Variants in SH3PXD2A observed in about 807,000 individuals in gnomAD.
SH3PXD2A encodes the protein SH3 and PX domains 2A.
A neutral mutation model predicts 115.2 loss-of-function variants in SH3PXD2A; 32 were observed. The observed-to-expected ratio is 0.28, with a 90% confidence interval of 0.21 to 0.37. SH3PXD2A has a LOEUF of 0.37. Among genes scored for constraint, SH3PXD2A ranks in the 10% least tolerant of loss-of-function variants. The probability of loss-of-function intolerance (pLI) is 1.00; values close to 1 mark genes in which losing one functional copy is unlikely to be tolerated. For missense variants in SH3PXD2A, 1,328 were observed against 1,498.7 expected (o/e 0.89, Z 1.88); for synonymous variants, 610 against 629.1 (o/e 0.97, Z 0.45).
At chr10:103,657,354 C>T (rs1033890930) in intron 8 of SH3PXD2A, among the ~76,000 whole-genome samples, 8 of 152,162 alleles carry the variant, frequency 5.3e-5, no homozygotes, top group African/African-American at 1.4e-4. Flanking sequence ...GATGTCACCA[C>T]GCTGCCAGAA....
chr10:103,796,404 G>A (rs1201243706), intron 2 of SH3PXD2A, among the ~76,000 whole-genome samples: 1 of 148,608 alleles, frequency 6.7e-6, no homozygotes, highest in East Asian at 2.1e-4. Flanking sequence ...AAAAAAGAGA[G>A]AGAGAGAGAC....
intron 2 of SH3PXD2A, among the ~76,000 whole-genome samples, chr10:103,767,825 T>G (rs1017014774): frequency 2.8e-5 from 4 of 141,386 alleles, no homozygotes; most frequent in Admixed American, 7.1e-5. Context: ...TTTTTTTTTT[T>G]TTTTTTTTTG....
At chr10:103,803,965 A>C (rs1039780097) in intron 1 of SH3PXD2A, among the ~76,000 whole-genome samples, 3 of 152,334 alleles carry the variant, frequency 2.0e-5, no homozygotes, top group African/African-American at 7.2e-5. Context: ...CTTCCAGGTC[A>C]TAGGTGGATT....
chr10:103,643,956 CA>C (rs901728736), intron 8 of SH3PXD2A, among the ~76,000 whole-genome samples: 10 of 150,252 alleles, frequency 6.7e-5, no homozygotes, highest in African/African-American at 2.4e-4. Context: ...CTAAAAAATA[CA>C]AAAAAAAATT....
chr10:103,733,019 G>A (rs1355474201), intron 4 of SH3PXD2A, among the ~76,000 whole-genome samples: 1 of 152,128 alleles, frequency 6.6e-6, no homozygotes. Context: ...ACAGATCCCA[G>A]CTTCTTAGTT....
intron 3 of SH3PXD2A, among the ~76,000 whole-genome samples, chr10:103,766,313 G>C (rs777770904): frequency 6.6e-6 from 1 of 152,226 alleles, no homozygotes; most frequent in Non-Finnish European, 1.5e-5. Flanking sequence ...CTCTTCTGGG[G>C]AACGGTAGGG....
At chr10:103,848,851 A>G (rs1842871171) in intron 1 of SH3PXD2A, among the ~76,000 whole-genome samples, 1 of 151,928 alleles carries the variant, frequency 6.6e-6, no homozygotes, top group Admixed American at 6.6e-5. Flanking sequence ...GCTGAGCTCC[A>G]TAAGGCGCCA....
chr10:103,723,491 C>T (rs2038206629), intron 5 of SH3PXD2A, among the ~76,000 whole-genome samples: 1 of 152,146 alleles, frequency 6.6e-6, no homozygotes, highest in Non-Finnish European at 1.5e-5. Flanking sequence ...GTGTGAGAAA[C>T]CAGCATGGCT....
intron 14 of SH3PXD2A, among the ~76,000 whole-genome samples, chr10:103,604,636 G>A (rs2036273049): frequency 6.6e-6 from 1 of 152,194 alleles, no homozygotes; most frequent in Non-Finnish European, 1.5e-5. Context: ...TGGGAAGAGG[G>A]CCAAGGAGGG....
rs370033639 is a variant in SH3PXD2A, at chr10:103,613,201, G to A, written c.921-11C>T. On this transcript the variant is annotated splice_polypyrimidine_tract_variant and intron_variant, in intron 11 of 14. Transcript: ENST00000369774. ...TCTTTGCCCAGGTATCTGTGGGGAG[G>A]AGCAGGATGTGCTATCATTAGAGCA... 5.1e-5 allele frequency: 81 copies of A among 1,575,998 alleles called. No individual in the cohort carries two copies. In the African/African-American group the frequency reaches 9.9e-4, roughly 19 times the overall value.
intron 1 of SH3PXD2A, among the ~76,000 whole-genome samples, chr10:103,832,356 G>A (rs1164776063): frequency 3.5e-5 from 5 of 141,430 alleles, no homozygotes; most frequent in African/African-American, 1.3e-4. Context: ...ACACTTAGAA[G>A]TAGAACCTAA....
rs2036220458 is a variant in SH3PXD2A at position 103,601,945 on chromosome 10, G to T, written c.3273C>A (p.Gly1091=). The change falls in exon 15 of 15, where the codon GGC becomes GGA. Residue 1091 remains glycine (G), a synonymous_variant. Transcript: ENST00000369774. The stretch of plus-strand genomic sequence containing the variant: ...CCTCCATGGACACCCCCTCCTGGAA[G>T]CCTGCTGTCTCCTCATCCCCCTCGT... ...ADYEGDEETA[G]FQEGVSMEVL... 6.2e-7 allele frequency: 1 copy of T among 1,613,976 alleles called. No individual in the cohort carries two copies. The highest frequency in any genetic ancestry group is 1.3e-5 in the African/African-American group (1 of 74,906).
intron 1 of SH3PXD2A, among the ~76,000 whole-genome samples, chr10:103,823,444 A>T (rs2039400434): frequency 6.6e-6 from 1 of 152,204 alleles, no homozygotes; most frequent in Non-Finnish European, 1.5e-5. Flanking sequence ...GGCTGGCCTC[A>T]TCACTGGGCT....
In SH3PXD2A at chr10:103,627,054, G is replaced by A. The variant is rs374982525; in HGVS notation, c.718+35C>T. ...TGAGAGAGCTGCCTCCAGAGGCCGC[G>A]TTGCTCCCTGCCCCTTGGACCTGCA... On this transcript the variant is annotated intron_variant, in intron 9 of 14. Coordinates refer to ENST00000369774, the MANE Select transcript of SH3PXD2A (RefSeq NM_001394015.1). This position sits in a 1 kb window ranked among gnomAD's most constrained non-coding sequence, Gnocchi z 4.4. 23 of 1,215,932 alleles carry A rather than the reference G, an allele frequency of 1.9e-5. No homozygotes were observed. The highest frequency in any genetic ancestry group is 1.0e-4 in the African/African-American group (7 of 67,326). 75.3% of individuals were successfully genotyped at this position (1,215,932 alleles called of 1,614,324 possible). A position where few individuals can be genotyped will look rare whatever the true frequency, so the allele number is the denominator to read the frequency against.
chr10:103,769,642 G>A (rs756654079), intron 2 of SH3PXD2A, among the ~76,000 whole-genome samples: 4 of 152,022 alleles, frequency 2.6e-5, no homozygotes, highest in African/African-American at 9.7e-5. Context: ...ATGTTGGCCA[G>A]ACTGGTCTCG....
intron 6 of SH3PXD2A, among the ~76,000 whole-genome samples, chr10:103,680,821 C>T (rs10883900): frequency 0.87 from 133,195 of 152,234 alleles, 58,387 homozygotes; most frequent in East Asian, 1. Flanking sequence ...TTCTTTCACA[C>T]TTCGAAACAG....
chr10:103,671,750 C>G (rs2037463464), intron 6 of SH3PXD2A, among the ~76,000 whole-genome samples: 1 of 151,064 alleles, frequency 6.6e-6, no homozygotes, highest in South Asian at 2.1e-4. Context: ...GACAGAGGGA[C>G]AGGGGTGAAG....
intron 3 of SH3PXD2A, among the ~76,000 whole-genome samples, chr10:103,751,714 TA>T (rs1156507874): frequency 6.6e-6 from 1 of 152,234 alleles, no homozygotes; most frequent in African/African-American, 2.4e-5. Context: ...ACACCAGATC[TA>T]ATTCCAGGCA....
At chr10:103,696,612 T>A (rs557997974) in intron 5 of SH3PXD2A, among the ~76,000 whole-genome samples, 118 of 152,270 alleles carry the variant, frequency 7.7e-4, no homozygotes, top group African/African-American at 2.6e-3. Context: ...TAGGTCACAG[T>A]CTAGCCTGCT....
Sources: allele counts gnomAD v4.1 joint callset (sites outside exome capture counted in the v4.1 genomes callset), GRCh38; gene constraint gnomAD v4.1.1; non-coding constraint Gnocchi (gnomAD v3.1); transcripts MANE v1.5; gene names NCBI Gene and HGNC (gene_info 2026-07-23, HGNC 2026-07-21).